Variants in XRCC1 observed in about 807,000 individuals in gnomAD.
The protein encoded by XRCC1 is X-ray repair cross complementing 1, also known as DNA repair protein XRCC1.
In XRCC1, 52 loss-of-function variants were observed where a neutral mutation model predicts 83.3. The ratio of observed to expected loss-of-function variants is 0.62; its 90% CI spans 0.50 to 0.79. The LOEUF is 0.79. XRCC1 is among the 30% of genes least tolerant of loss of function. XRCC1 has a pLI of 0.00. For synonymous variants in XRCC1, 281 were observed against 312.6 expected, an observed-to-expected ratio of 0.90 and a Z score of 1.07; for missense variants, 793 against 823.5, an observed-to-expected ratio of 0.96 and a Z score of 0.45.
At chr19:43,564,062 G>A (rs1972727561) in intron 2 of XRCC1, among the ~76,000 whole-genome samples, 1 of 152,152 alleles carries the variant, frequency 6.6e-6, no homozygotes, top group African/African-American at 2.4e-5. Flanking sequence ...CCTATGAAAT[G>A]GGGACAATAA....
intron 2 of XRCC1, 99 bp downstream of exon 2, chr19:43,574,811 A>T: frequency 1.0e-6 from 1 of 960,698 alleles, no homozygotes; most frequent in East Asian, 2.5e-5. Context: ...AGGCCCAGCA[A>T]AGAAAGTGAC....
At chr19:43,547,450 C>T (rs991300627) in intron 10 of XRCC1, among the ~76,000 whole-genome samples, 11 of 150,130 alleles carry the variant, frequency 7.3e-5, no homozygotes, top group Non-Finnish European at 1.5e-4. Context: ...TCTGAAAGTG[C>T]TGGAATTACA....
chr19:43,544,280 TC>T (rs1337210535), intron 14 of XRCC1, 46 bp from the exon 15 acceptor site: 1 of 1,528,724 alleles, frequency 6.5e-7, no homozygotes, highest in Non-Finnish European at 8.9e-7. Context: ...CCCCAGGAGT[TC>T]CCAGGCACCA....
intron 3 of XRCC1, among the ~76,000 whole-genome samples, chr19:43,560,128 C>G (rs767173846): frequency 6.6e-6 from 1 of 151,368 alleles, no homozygotes; most frequent in Non-Finnish European, 1.5e-5. Flanking sequence ...CAGTGGCTCA[C>G]GCCTGTAATC....
chr19:43,565,498 C>T (rs3213300), intron 2 of XRCC1, among the ~76,000 whole-genome samples: 38 of 152,378 alleles, frequency 2.5e-4, no homozygotes, highest in African/African-American at 8.4e-4. Context: ...TCAAACTCAA[C>T]ATCTTTACCT....
chr19:43,550,455 C>T (rs748686688), intron 10 of XRCC1, among the ~76,000 whole-genome samples: 4 of 152,060 alleles, frequency 2.6e-5, no homozygotes, highest in Non-Finnish European at 4.4e-5. Flanking sequence ...GCCTGGGCTC[C>T]GGAAGCCCCT....
intron 6 of XRCC1, 93 bp from the exon 7 acceptor site, chr19:43,553,184 C>T: frequency 7.3e-7 from 1 of 1,371,046 alleles, no homozygotes; most frequent in Non-Finnish European, 1.0e-6. Context: ...GTTGCCAAAA[C>T]CCACCAGTGA....
intron 3 of XRCC1, among the ~76,000 whole-genome samples, chr19:43,557,790 C>G (rs147967596): frequency 4.3e-5 from 1 of 23,270 alleles, no homozygotes; most frequent in East Asian, 1.4e-3. Context: ...AAAATTCCAT[C>G]TCAAAAAAAA....
At chr19:43,568,563 T>C (rs1438852648) in intron 2 of XRCC1, among the ~76,000 whole-genome samples, 1 of 151,974 alleles carries the variant, frequency 6.6e-6, no homozygotes, top group Non-Finnish European at 1.5e-5. Context: ...TCATGCAGTG[T>C]GCATCTCCAA....
chr19:43,560,859 G>T, intron 3 of XRCC1, 51 bp downstream of exon 3: 1 of 1,472,390 alleles, frequency 6.8e-7, no homozygotes. Flanking sequence ...ACGGTGATGC[G>T]AGCATGAGGG....
Position 43,575,482 on chromosome 19 carries a change from G to A in XRCC1, c.-24C>T. The A allele has an allele frequency of 6.2e-7, 1 of 1,611,188 alleles. No homozygotes were observed. Among genetic ancestry groups the A allele is most frequent in the Non-Finnish European group, 8.5e-7 (1 of 1,178,090 alleles). On this transcript the variant is annotated 5_prime_UTR_variant, in exon 1 of 17. Transcript: ENST00000262887. ...ATGTCAACGTCGTGGGCTTCGCCTG[G>A]CCAGAAGGATGAGGTAGAGTATGGG...
chr19:43,564,952 G>A (rs565433548), intron 2 of XRCC1, among the ~76,000 whole-genome samples: 11 of 152,156 alleles, frequency 7.2e-5, no homozygotes, highest in Non-Finnish European at 1.3e-4. Context: ...TCGGCTTCTC[G>A]AGGCCACCTG....
intron 2 of XRCC1, among the ~76,000 whole-genome samples, chr19:43,565,706 C>T (rs1165378948): frequency 1.3e-5 from 2 of 152,174 alleles, no homozygotes; most frequent in South Asian, 2.1e-4. Flanking sequence ...GAGGTGGAGG[C>T]GGGAGAATCA....
chr19:43,574,785 C>T (rs1317380746), intron 2 of XRCC1, 125 bp downstream of exon 2: 2 of 735,614 alleles, frequency 2.7e-6, no homozygotes, highest in East Asian at 2.7e-5. Flanking sequence ...TGCCCATTTT[C>T]CGAGTAAGGA....
intron 14 of XRCC1, among the ~76,000 whole-genome samples, chr19:43,545,546 A>T (rs1972499692): frequency 6.6e-6 from 1 of 152,178 alleles, no homozygotes; most frequent in Admixed American, 6.5e-5. Context: ...CTGACGTGAA[A>T]AAAAGGAGGT....
At chr19:43,554,541 C>A in intron 4 of XRCC1, 105 bp downstream of exon 4, 1 of 1,391,272 alleles carries the variant, frequency 7.2e-7, no homozygotes, top group Non-Finnish European at 9.6e-7. Flanking sequence ...TCCCATGGGA[C>A]ACCAGCTGTC....
At chr19:43,565,716 A>C (rs1972745485) in intron 2 of XRCC1, among the ~76,000 whole-genome samples, 1 of 152,184 alleles carries the variant, frequency 6.6e-6, no homozygotes, top group Non-Finnish European at 1.5e-5. Context: ...CGGGAGAATC[A>C]CTTGAGGCCA....
Position 43,543,348 on chromosome 19 carries a change from G to A in XRCC1, c.*44C>T. The A allele has an allele frequency of 1.9e-6, 2 of 1,048,992 alleles. No individual in the cohort carries two copies. The highest frequency in any genetic ancestry group is 2.7e-6 in the Non-Finnish European group (2 of 735,514). The allele number at this position is 1,048,992 out of a possible 1,614,324, so 65.0% of individuals were successfully genotyped here. A position where few individuals can be genotyped will look rare whatever the true frequency, so the allele number is the denominator to read the frequency against. ...CATCTTTATTAAATGCATCGTGTGT[G>A]TGTGTGTGTGTGTGTGTGTGTGTGT... On this transcript the variant is annotated 3_prime_UTR_variant, in exon 17 of 17. Transcript: ENST00000262887.
chr19:43,544,686 T>C (rs1972490852), intron 14 of XRCC1, among the ~76,000 whole-genome samples: 1 of 152,162 alleles, frequency 6.6e-6, no homozygotes, highest in African/African-American at 2.4e-5. Flanking sequence ...TTTAAACTTT[T>C]TGTAGAGAGA....
Sources: allele counts gnomAD v4.1 joint callset (sites outside exome capture counted in the v4.1 genomes callset), GRCh38; gene constraint gnomAD v4.1.1; transcripts MANE v1.5; gene names NCBI Gene and HGNC (gene_info 2026-07-23, HGNC 2026-07-21).